SMARCC1: variants seen among roughly 807,000 people sequenced by gnomAD.
SMARCC1 encodes SWI/SNF related BAF chromatin remodeling complex subunit C1.
SMARCC1 carries 43 observed loss-of-function variants against 147.4 expected under a neutral mutation model. The observed-to-expected ratio is 0.29, with a 90% confidence interval of 0.23 to 0.38. The LOEUF (loss-of-function observed/expected upper bound fraction) is 0.38, where lower values mean the gene tolerates loss of function less well. SMARCC1 is among the 10% of genes least tolerant of loss of function. The probability of loss-of-function intolerance (pLI) is 1.00; values close to 1 mark genes in which losing one functional copy is unlikely to be tolerated. For synonymous variants in SMARCC1, 495 were observed against 484.4 expected (o/e 1.02, Z -0.29); for missense variants, 1,119 against 1,381.1 (o/e 0.81, Z 3.01).
intron 19 of SMARCC1, among the ~76,000 whole-genome samples, chr3:47,665,633 T>C (rs2033410518): frequency 6.6e-6 from 1 of 152,094 alleles, no homozygotes; most frequent in South Asian, 2.1e-4. Flanking sequence ...TCTGTAAATG[T>C]CTGAGCCTAG....
chr3:47,681,499 A>G (rs1484992079), intron 14 of SMARCC1, among the ~76,000 whole-genome samples: 1 of 152,192 alleles, frequency 6.6e-6, no homozygotes, highest in Non-Finnish European at 1.5e-5. Context: ...GTAAAAAAAG[A>G]ACAAACTGTA....
chr3:47,731,564 TA>T (rs2034375138), intron 5 of SMARCC1, among the ~76,000 whole-genome samples: 2 of 152,228 alleles, frequency 1.3e-5, no homozygotes, highest in Non-Finnish European at 2.9e-5. Context: ...GCTCTATCTT[TA>T]CAAAATGTAT....
intron 14 of SMARCC1, 140 bp from the exon 15 acceptor site, chr3:47,680,648 C>T (rs1004321721): frequency 4.2e-5 from 19 of 450,474 alleles, no homozygotes; most frequent in South Asian, 9.2e-5. Context: ...CCCGGGTTCA[C>T]GCCATTCTCC....
intron 2 of SMARCC1, among the ~76,000 whole-genome samples, chr3:47,759,511 C>G (rs1436431639): frequency 6.8e-6 from 1 of 146,092 alleles, no homozygotes; most frequent in Non-Finnish European, 1.5e-5. Context: ...ATCCCAGCTA[C>G]TCGGGAGGCT....
chr3:47,666,683 G>A (rs1365985860), intron 19 of SMARCC1, among the ~76,000 whole-genome samples: 2 of 151,788 alleles, frequency 1.3e-5, no homozygotes. Context: ...GCTGAATGTG[G>A]CCCATACAAA....
chr3:47,672,777 T>G (rs968097423), intron 18 of SMARCC1, among the ~76,000 whole-genome samples: 5 of 151,856 alleles, frequency 3.3e-5, no homozygotes, highest in African/African-American at 1.2e-4. Context: ...TCAATGTTTC[T>G]TCTTCTTCTT....
chr3:47,720,107 A>T (rs894129444), intron 7 of SMARCC1, among the ~76,000 whole-genome samples: 2 of 151,882 alleles, frequency 1.3e-5, no homozygotes, highest in African/African-American at 4.8e-5. Flanking sequence ...TGGCAACTAC[A>T]TAAAAGATAT....
chr3:47,649,689 A>C lies in SMARCC1; in HGVS notation c.2321-10909T>G, dbSNP rs183770918. ...AACTCAATCCCTCAAAACCTGTCCAAACCAGAATTGAGATGCAGACAGTAA... is the reference window on the plus strand; with the variant it reads ...AACTCAATCCCTCAAAACCTGTCCACACCAGAATTGAGATGCAGACAGTAA... On this transcript the variant is annotated intron_variant, in intron 21 of 27. Transcript: ENST00000254480. Among the ~76,000 whole-genome samples, 22 of 152,352 alleles carry C rather than the reference A, an allele frequency of 1.4e-4. No homozygotes were observed. The East Asian group carries it at 3.7e-3, about 25-fold the overall frequency.
At chr3:47,633,762 AAAT>A (rs1371274139) in intron 24 of SMARCC1, among the ~76,000 whole-genome samples, 327 of 29,356 alleles carry the variant, frequency 0.011, 17 homozygotes, top group African/African-American at 0.023. Context: ...AAAAAAAAAA[AAAT>A]ATATATATAT....
intron 21 of SMARCC1, among the ~76,000 whole-genome samples, chr3:47,648,148 C>T (rs1172421132): frequency 2.0e-5 from 3 of 152,052 alleles, no homozygotes; most frequent in Non-Finnish European, 2.9e-5. Context: ...GGATGCGCCA[C>T]CACACCCAGC....
chr3:47,769,205 C>T (rs1274939429), intron 2 of SMARCC1, among the ~76,000 whole-genome samples: 5 of 85,560 alleles, frequency 5.8e-5, no homozygotes, highest in African/African-American at 1.7e-4. Flanking sequence ...AGCGAGACTC[C>T]GTCTCAAAAA....
intron 7 of SMARCC1, among the ~76,000 whole-genome samples, chr3:47,719,752 T>G (rs2034207021): frequency 6.6e-6 from 1 of 152,084 alleles, no homozygotes; most frequent in Non-Finnish European, 1.5e-5. Flanking sequence ...ATTTATTTTT[T>G]GAAGACAGAG....
intron 2 of SMARCC1, among the ~76,000 whole-genome samples, chr3:47,759,055 C>T (rs145821615): frequency 1.0e-3 from 155 of 152,002 alleles, no homozygotes; most frequent in Admixed American, 3.7e-3. Context: ...CACTTTCATC[C>T]AGGCCATAGT....
intron 14 of SMARCC1, 141 bp from the exon 15 acceptor site, chr3:47,680,649 G>A (rs1387498345): frequency 3.8e-5 from 17 of 443,344 alleles, no homozygotes; most frequent in East Asian, 5.1e-5. Flanking sequence ...CCGGGTTCAC[G>A]CCATTCTCCT....
intron 23 of SMARCC1, among the ~76,000 whole-genome samples, 177 bp downstream of exon 23, chr3:47,635,845 G>A (rs777726895): frequency 6.6e-6 from 1 of 152,174 alleles, no homozygotes; most frequent in South Asian, 2.1e-4. Flanking sequence ...AGAAAAAAGT[G>A]TAGCCACCAG....
At chr3:47,773,875 G>A (rs532984207) in intron 1 of SMARCC1, among the ~76,000 whole-genome samples, 3 of 151,996 alleles carry the variant, frequency 2.0e-5, no homozygotes, top group South Asian at 2.1e-4. Flanking sequence ...CTCATGATCC[G>A]CCCACTTCGG....
At chr3:47,749,690 CAAAGTGAG>C (rs1559662223) in intron 2 of SMARCC1, among the ~76,000 whole-genome samples, 52 of 148,918 alleles carry the variant, frequency 3.5e-4, no homozygotes, top group Middle Eastern at 3.4e-3. Context: ...CACACACACA[CAAAGTGAG>C]ACCCTCTAAA....
intron 8 of SMARCC1, 23 bp downstream of exon 8, chr3:47,714,391 GA>G (rs754833671): frequency 1.6e-5 from 23 of 1,420,632 alleles, no homozygotes; most frequent in Admixed American, 3.6e-5. Flanking sequence ...ATTATTGTAA[GA>G]TTTTTTTTGT....
intron 2 of SMARCC1, among the ~76,000 whole-genome samples, chr3:47,766,026 C>G (rs2106867985): frequency 6.6e-6 from 1 of 152,282 alleles, no homozygotes; most frequent in East Asian, 1.9e-4. Context: ...AGCCACTGCC[C>G]CCAGCCTAAA....
Sources: gnomAD v4.1 joint callset for allele counts (sites outside exome capture counted in the v4.1 genomes callset) on GRCh38, gnomAD v4.1.1 for gene constraint, MANE v1.5 for transcripts, NCBI Gene and HGNC (gene_info 2026-07-23, HGNC 2026-07-21) for gene names.